The following COL14A1 variants were observed in gnomAD, a reference collection of about 807,000 sequenced individuals.
The protein encoded by COL14A1 is collagen type XIV alpha 1 chain.
Under a neutral mutation model 230.3 loss-of-function variants are expected in COL14A1, and 136 were observed. The observed-to-expected ratio is 0.59, with a 90% CI of 0.51 to 0.68. The LOEUF is 0.68. Ranked by LOEUF, COL14A1 falls within the 30% of genes least tolerant of loss-of-function variation. The pLI is 0.00. For synonymous variants in COL14A1, 792 were observed against 784.1 expected (o/e 1.01, Z -0.17); for missense variants, 1,976 against 2,215.8 (o/e 0.89, Z 2.17).
At chr8:120,174,166 C>T (rs1191289921) in intron 5 of COL14A1, among the ~76,000 whole-genome samples, 1 of 152,054 alleles carries the variant, frequency 6.6e-6, no homozygotes, top group Non-Finnish European at 1.5e-5. Context: ...GTGTTAGTTT[C>T]CGTCTTATCC....
chr8:120,179,231 A>G (rs1241852322), intron 5 of COL14A1, among the ~76,000 whole-genome samples: 1 of 152,188 alleles, frequency 6.6e-6, no homozygotes, highest in Non-Finnish European at 1.5e-5. Flanking sequence ...TTCAACTAGG[A>G]AAAGAGGAAG....
chr8:120,215,107 C>T (rs377039902), intron 13 of COL14A1, among the ~76,000 whole-genome samples: 46 of 152,298 alleles, frequency 3.0e-4, no homozygotes, highest in African/African-American at 1.1e-3. Context: ...CGGTGGCTCA[C>T]GCCTGTAGTG....
intron 37 of COL14A1, among the ~76,000 whole-genome samples, chr8:120,312,267 G>C (rs1821068259): frequency 6.6e-6 from 1 of 151,988 alleles, no homozygotes; most frequent in African/African-American, 2.4e-5. Flanking sequence ...CTCCTTGTAA[G>C]AATAGTTATC....
intron 45 of COL14A1, among the ~76,000 whole-genome samples, chr8:120,359,985 A>G (rs73705072): frequency 0.015 from 2,233 of 152,280 alleles, 50 homozygotes; most frequent in African/African-American, 0.049. Flanking sequence ...TCTGTGGTCA[A>G]AATACCAAAG....
intron 26 of COL14A1, among the ~76,000 whole-genome samples, chr8:120,276,115 T>C (rs1819833214): frequency 6.6e-6 from 1 of 150,634 alleles, no homozygotes; most frequent in Non-Finnish European, 1.5e-5. Flanking sequence ...GACAATGTTA[T>C]ATATATATGT....
At chr8:120,257,811 A>G (rs1819204504) in intron 23 of COL14A1, among the ~76,000 whole-genome samples, 1 of 152,204 alleles carries the variant, frequency 6.6e-6, no homozygotes, top group South Asian at 2.1e-4. Context: ...CTCTTTCTGA[A>G]TGCCTCCGTC....
chr8:120,227,444 C>A, intron 17 of COL14A1, 92 bp downstream of exon 17: 1 of 1,470,012 alleles, frequency 6.8e-7, no homozygotes, highest in Non-Finnish European at 9.2e-7. Flanking sequence ...TTATCTTTGG[C>A]TATGTAAGCT....
chr8:120,300,419 T>C (rs1820674473), intron 35 of COL14A1, among the ~76,000 whole-genome samples: 1 of 152,092 alleles, frequency 6.6e-6, no homozygotes, highest in Admixed American at 6.6e-5. Context: ...GTACTATCAC[T>C]CCAACCAACA....
chr8:120,152,905 C>T (rs1815337676), intron 2 of COL14A1, among the ~76,000 whole-genome samples: 3 of 152,186 alleles, frequency 2.0e-5, no homozygotes, highest in Non-Finnish European at 4.4e-5. Flanking sequence ...TAGGGGCTAG[C>T]TTTAACTTTA....
chr8:120,355,484 C>T (rs1195555685), intron 45 of COL14A1, among the ~76,000 whole-genome samples: 3 of 150,854 alleles, frequency 2.0e-5, no homozygotes, highest in African/African-American at 7.3e-5. Context: ...CGGATCTTGG[C>T]TCACTGCAAC....
At chr8:120,159,580 A>C (rs551801233) in intron 3 of COL14A1, among the ~76,000 whole-genome samples, 1 of 152,308 alleles carries the variant, frequency 6.6e-6, no homozygotes, top group African/African-American at 2.4e-5. Context: ...ATTGTTCATT[A>C]ATGTGGACGT....
At chr8:120,194,006 T>G (rs6981061) in intron 5 of COL14A1, among the ~76,000 whole-genome samples, 2 of 152,000 alleles carry the variant, frequency 1.3e-5, no homozygotes, top group African/African-American at 2.4e-5. Flanking sequence ...GCTTCCCGGG[T>G]GAGGCAATGC....
chr8:120,194,444 A>G (rs1200797984), intron 5 of COL14A1, among the ~76,000 whole-genome samples: 1 of 151,912 alleles, frequency 6.6e-6, no homozygotes, highest in African/African-American at 2.4e-5. Context: ...CCCCACACTT[A>G]TGCTTTTATT....
chr8:120,167,684 T>C (rs1563647592), intron 4 of COL14A1, among the ~76,000 whole-genome samples: 1 of 152,216 alleles, frequency 6.6e-6, no homozygotes, highest in African/African-American at 2.4e-5. Flanking sequence ...TTCATCTTCT[T>C]GTTTTGCTGT....
chr8:120,242,575 G>A (rs1818638382), intron 19 of COL14A1, among the ~76,000 whole-genome samples: 1 of 152,082 alleles, frequency 6.6e-6, no homozygotes, highest in African/African-American at 2.4e-5. Flanking sequence ...GCAAGTCAGG[G>A]CAACCTCAAT....
intron 5 of COL14A1, among the ~76,000 whole-genome samples, chr8:120,168,814 G>C (rs1342731573): frequency 6.6e-6 from 1 of 152,074 alleles, no homozygotes; most frequent in Non-Finnish European, 1.5e-5. Context: ...TAGCCAGATA[G>C]TGTTCTATGG....
chr8:120,270,185 T>C lies in COL14A1; in HGVS notation c.3213+11T>C, dbSNP rs1377091517. 1 of 1,604,920 alleles carries C rather than the reference T, an allele frequency of 6.2e-7. No homozygotes were observed. Among genetic ancestry groups the C allele is most frequent in the Non-Finnish European group, 8.5e-7 (1 of 1,175,372 alleles). On this transcript the variant is annotated intron_variant, in intron 26 of 47. Transcript: ENST00000297848. ...ACAGATGGAACCCAAGTAAGGCTAA[T>C]AAATAATTAATTCATTCTATGTATT...
chr8:120,278,335 T>A (rs780272387), intron 27 of COL14A1, 100 bp from the exon 28 acceptor site: 2 of 1,503,510 alleles, frequency 1.3e-6, no homozygotes, highest in Middle Eastern at 1.8e-4. Flanking sequence ...TTAAAGATTT[T>A]TTTTTTCATT....
chr8:120,342,339 G>A (rs748755499), intron 43 of COL14A1, 41 bp from the exon 44 acceptor site: 1 of 1,596,536 alleles, frequency 6.3e-7, no homozygotes, highest in Admixed American at 1.7e-5. Flanking sequence ...GTGTGGCTGG[G>A]CTTGTAGCTG....
Sources: allele counts gnomAD v4.1 joint callset (sites outside exome capture counted in the v4.1 genomes callset), GRCh38; gene constraint gnomAD v4.1.1; transcripts MANE v1.5; gene names NCBI Gene and HGNC (gene_info 2026-07-23, HGNC 2026-07-21).